CARD8: variants seen among roughly 807,000 people sequenced by gnomAD.
CARD8 encodes caspase recruitment domain-containing protein 8.
A neutral mutation model predicts 53.2 loss-of-function variants in CARD8; 38 were observed. The observed-to-expected ratio is 0.71, with a 90% CI of 0.55 to 0.94. CARD8 has a LOEUF of 0.94. Ranked by LOEUF, CARD8 falls within the 40% of genes least tolerant of loss-of-function variation. The probability of loss-of-function intolerance (pLI) is 0.00; values close to 1 mark genes in which losing one functional copy is unlikely to be tolerated. For missense variants in CARD8, 561 were observed against 655.5 expected (o/e 0.86, Z 1.57); for synonymous variants, 245 against 244.9 (o/e 1.00, Z 0.00).
At position 48,234,478 on chromosome 19, in the gene CARD8, T is replaced by A. The variant is rs1489279617; in HGVS notation, c.275A>T (p.Asp92Val). The stretch of plus-strand genomic sequence containing the variant: ...TAATGGCTCTGCCTCTGTCTCATCA[T>A]CTTCTTGGAAAAAATGTGAGATGTC... ...LCDISHFFQE[D>V]DETEAEPLLF... The change falls in exon 6 of 14, where the codon GAT becomes GTT. Residue 92 changes from aspartate (D) to valine (V), a missense_variant. Asp to Val is a radical substitution (Grantham distance 152). Transcript: ENST00000651546. 6.2e-7 allele frequency: 1 copy of A among 1,613,956 alleles called. No individual in the cohort carries two copies. Among genetic ancestry groups the A allele is most frequent in the Admixed American group, 1.7e-5 (1 of 59,990 alleles).
rs1217732839 is a variant in CARD8 at position 48,230,478 on chromosome 19, A to C, written c.995T>G (p.Phe332Cys). 1 of 1,613,702 alleles carries C rather than the reference A, an allele frequency of 6.2e-7. No individual in the cohort carries two copies. Among genetic ancestry groups the C allele is most frequent in the Non-Finnish European group, 8.5e-7 (1 of 1,179,698 alleles). ...GTCGCTGGGGACAAGGTACAAGTGG[A>C]ACTTAATATCTTCGGGGTGGGGGTG... is the stretch of plus-strand genomic sequence containing the variant. Reference protein sequence around the residue: ...YYHPHPEDIKFHLYLVPSDAL... With the variant: ...YYHPHPEDIKCHLYLVPSDAL... Residue 332 changes from phenylalanine to cysteine, a missense_variant, in exon 10 of 14, where the codon TTC becomes TGC. Transcript: ENST00000651546.
intron 5 of CARD8, 187 bp downstream of exon 5, chr19:48,238,196 T>C (rs2044266451): frequency 1.8e-6 from 2 of 1,122,062 alleles, no homozygotes; most frequent in South Asian, 3.5e-5. Context: ...CAGACCTTTT[T>C]TCCCTACTTC....
chr19:48,226,933 A>C (rs980587647), intron 10 of CARD8, among the ~76,000 whole-genome samples: 2 of 151,922 alleles, frequency 1.3e-5, no homozygotes, highest in African/African-American at 2.4e-5. Flanking sequence ...TACATAAATA[A>C]AATAAAAAAA....
chr19:48,210,313 T>C lies in CARD8; in HGVS notation c.*1397A>G, dbSNP rs1201354811. On this transcript the variant is annotated 3_prime_UTR_variant, in exon 14 of 14. Coordinates refer to ENST00000651546, the MANE Select transcript of CARD8 (RefSeq NM_001184900.3). ...AGGAAGCAAAAAATAAGAGAATCTG[T>C]ACCTATCAGAACCACTCTAAAAGAA... The C allele has an allele frequency of 6.6e-6, 1 of 152,128 alleles. No homozygotes were observed. The highest frequency in any genetic ancestry group is 2.4e-5 in the African/African-American group (1 of 41,448). The allele number at this position is 152,128 out of a possible 1,614,324, so 9.4% of individuals were successfully genotyped here.
chr19:48,223,658 C>A (rs748899186), intron 10 of CARD8: 162 of 312,644 alleles, frequency 5.2e-4, no homozygotes, highest in Non-Finnish European at 7.7e-4. Flanking sequence ...CCAAATAAAT[C>A]CATATCACAT....
In CARD8 at chr19:48,231,843, A is replaced by C. The variant is rs1353585409; in HGVS notation, c.392-33T>G. On this transcript the variant is annotated intron_variant, in intron 7 of 13. Transcript: ENST00000651546. ...GAAAATACTAGACATGTAAGAGGTA[A>C]AGGGTTGGAAGAGGCATGGCCTGAA... 3 of 1,608,812 alleles carry C rather than the reference A, an allele frequency of 1.9e-6. No individual in the cohort carries two copies. The African/African-American group carries it at 4.0e-5, about 21-fold the overall frequency.
chr19:48,216,109 T>C (rs559919650), intron 12 of CARD8, among the ~76,000 whole-genome samples: 1 of 144,542 alleles, frequency 6.9e-6, no homozygotes, highest in East Asian at 2.0e-4. Context: ...CCATCCACAA[T>C]CTCCCCCATT....
At position 48,221,717 on chromosome 19, in the gene CARD8, G is replaced by T. The variant is rs754081264; in HGVS notation, c.1161+13C>A. On this transcript the variant is annotated intron_variant, in intron 11 of 13. Transcript: ENST00000651546. ...CTCTGAAACCTGCTGAGTTGGGTTT[G>T]AATTCTACTAACCTTGGGCATTACT... 6.5e-7 allele frequency: 1 copy of T among 1,527,862 alleles called. No homozygotes were observed. Among genetic ancestry groups the T allele is most frequent in the East Asian group, 2.3e-5 (1 of 43,472 alleles). The allele number at this position is 1,527,862 out of a possible 1,614,324, so 94.6% of individuals were successfully genotyped here.
At chr19:48,229,167 G>C (rs140041952) in intron 10 of CARD8, among the ~76,000 whole-genome samples, 310 of 152,186 alleles carry the variant, frequency 2.0e-3, no homozygotes, top group African/African-American at 7.0e-3. Flanking sequence ...AAAAGAAAAA[G>C]AACAAGGAGG....
At chr19:48,254,996 C>A (rs928584293) in intron 1 of CARD8, among the ~76,000 whole-genome samples, 2 of 152,234 alleles carry the variant, frequency 1.3e-5, no homozygotes, top group African/African-American at 4.8e-5. Flanking sequence ...CCATTTCTGT[C>A]TTCCTTTATC....
chr19:48,229,279 T>C (rs12459734), intron 10 of CARD8, among the ~76,000 whole-genome samples: 6,037 of 152,244 alleles, frequency 0.04, 377 homozygotes, highest in African/African-American at 0.13. Context: ...ATTTTGTTTC[T>C]AGTATATCAA....
chr19:48,206,669 G>A, downstream of CARD8: 1 of 357,976 alleles, frequency 2.8e-6, no homozygotes, highest in South Asian at 2.1e-5. Flanking sequence ...AAAGAGCACT[G>A]CAGTCAGGGG....
chr19:48,231,368 G>A (rs955454451), intron 8 of CARD8, among the ~76,000 whole-genome samples: 8 of 152,106 alleles, frequency 5.3e-5, no homozygotes, highest in Non-Finnish European at 1.2e-4. Flanking sequence ...GCAGTGGCGA[G>A]ATCTCATCTC....
At chr19:48,240,057 A>G (rs1229023178) in intron 4 of CARD8, among the ~76,000 whole-genome samples, 2 of 152,208 alleles carry the variant, frequency 1.3e-5, no homozygotes, top group African/African-American at 4.8e-5. Context: ...TCACATTGGA[A>G]GTTAGGATTT....
At chr19:48,207,653 TATAAATATCACCTG>T (rs2037411859), downstream of CARD8, among the ~76,000 whole-genome samples, 1 of 152,060 alleles carries the variant, frequency 6.6e-6, no homozygotes, top group African/African-American at 2.4e-5. Context: ...TTTTATGTAT[TATAAATATCACCTG>T]ATATTTACAT....
rs930657680 is a variant in CARD8 at position 48,208,158 on chromosome 19, A to G, written c.*3552T>C. The G allele has an allele frequency of 6.6e-6, 1 of 152,204 alleles. No individual in the cohort carries two copies. Among genetic ancestry groups the G allele is most frequent in the African/African-American group, 2.4e-5 (1 of 41,450 alleles). 9.4% of individuals were successfully genotyped at this position (152,204 alleles called of 1,614,324 possible). On this transcript the variant is annotated 3_prime_UTR_variant, in exon 14 of 14. Coordinates refer to ENST00000651546, the MANE Select transcript of CARD8 (RefSeq NM_001184900.3). The stretch of plus-strand genomic sequence containing the variant: ...TAAATTTATGAAGTACATTCTTCAA[A>G]TGTAACAATTTAGTTCTACTTCAAG...
chr19:48,228,131 T>C (rs2042150233), intron 10 of CARD8, among the ~76,000 whole-genome samples: 1 of 152,258 alleles, frequency 6.6e-6, no homozygotes. Flanking sequence ...GAGAATCTAA[T>C]GCCTGATGAT....
At chr19:48,247,759 T>TAC (rs2046352604) in intron 3 of CARD8, among the ~76,000 whole-genome samples, 2 of 123,108 alleles carry the variant, frequency 1.6e-5, no homozygotes, top group East Asian at 4.3e-4. Flanking sequence ...TGTTATTGTA[T>TAC]ATATATATAT....
intron 11 of CARD8, among the ~76,000 whole-genome samples, chr19:48,219,309 A>G (rs142177742): frequency 8.7e-4 from 132 of 152,332 alleles, no homozygotes; most frequent in African/African-American, 2.7e-3. Flanking sequence ...CCCCTCATTA[A>G]TGATGCGACC....
Sources: gnomAD v4.1 joint callset for allele counts (sites outside exome capture counted in the v4.1 genomes callset) on GRCh38, gnomAD v4.1.1 for gene constraint, MANE v1.5 for transcripts, NCBI Gene and HGNC (gene_info 2026-07-23, HGNC 2026-07-21) for gene names.